TOP6BL: variants seen among roughly 807,000 people sequenced by gnomAD.
TOP6BL encodes the protein TOP6B like initiator of meiotic double strand breaks.
the TOP6BL span, chr11:66,801,185 T>C: frequency 7.0e-7 from 1 of 1,430,016 alleles, no homozygotes; most frequent in South Asian, 1.2e-5. Flanking sequence ...GGAAATTGTC[T>C]CACTTGTCAT....
chr11:66,807,923 G>A, the TOP6BL span, among the ~76,000 whole-genome samples: 3 of 152,218 alleles, frequency 2.0e-5, no homozygotes, highest in Non-Finnish European at 4.4e-5. Context: ...GACTGTATAT[G>A]CTTTTTGGTC....
the TOP6BL span, among the ~76,000 whole-genome samples, chr11:66,825,180 A>T: frequency 2.6e-5 from 4 of 151,360 alleles, no homozygotes; most frequent in Non-Finnish European, 5.9e-5. Flanking sequence ...GTGCCTTTAT[A>T]AAAAAGGCCC....
At chr11:66,840,857 C>T in the TOP6BL span, among the ~76,000 whole-genome samples, 1 of 152,108 alleles carries the variant, frequency 6.6e-6, no homozygotes, top group Admixed American at 6.6e-5. Flanking sequence ...GCTCATCCTG[C>T]TCTCCCACCC....
chr11:66,830,440 A>T, the TOP6BL span, among the ~76,000 whole-genome samples: 1 of 152,198 alleles, frequency 6.6e-6, no homozygotes, highest in Admixed American at 6.5e-5. Flanking sequence ...GTTAGAAAAG[A>T]AAAAAGGCTC....
the TOP6BL span, chr11:66,756,337 C>G: frequency 9.2e-7 from 1 of 1,089,090 alleles, no homozygotes; most frequent in Non-Finnish European, 1.2e-6. Flanking sequence ...CTTTTCCCCC[C>G]TTTTTTTTTT....
At chr11:66,793,607 G>A in the TOP6BL span, among the ~76,000 whole-genome samples, 1 of 150,404 alleles carries the variant, frequency 6.6e-6, no homozygotes, top group Non-Finnish European at 1.5e-5. Context: ...ACCACTCCAG[G>A]CTAATTTTTG....
At chr11:66,788,260 G>T in the TOP6BL span, 1 of 1,608,246 alleles carries the variant, frequency 6.2e-7, no homozygotes, top group Non-Finnish European at 8.5e-7. Context: ...CCTTCCAGAT[G>T]ATTTTTGAGG....
the TOP6BL span, among the ~76,000 whole-genome samples, chr11:66,813,454 G>A: frequency 2.6e-5 from 4 of 152,282 alleles, no homozygotes; most frequent in East Asian, 7.7e-4. Flanking sequence ...AACTGCATAG[G>A]CTGGGCATGA....
At chr11:66,837,311 TAG>T in the TOP6BL span, among the ~76,000 whole-genome samples, 1 of 151,536 alleles carries the variant, frequency 6.6e-6, no homozygotes, top group Non-Finnish European at 1.5e-5. Context: ...GTATTTGTAA[TAG>T]AGACGGGGTT....
At chr11:66,785,835 C>T in the TOP6BL span, among the ~76,000 whole-genome samples, 2,306 of 152,258 alleles carry the variant, frequency 0.015, 58 homozygotes, top group African/African-American at 0.052. Flanking sequence ...TGCTCTTAAA[C>T]CTATGAGTGT....
chr11:66,784,526 A>G, the TOP6BL span, among the ~76,000 whole-genome samples: 1 of 152,266 alleles, frequency 6.6e-6, no homozygotes, highest in East Asian at 1.9e-4. Flanking sequence ...CCGTGTACTC[A>G]TTAGCAGTCA....
the TOP6BL span, among the ~76,000 whole-genome samples, chr11:66,798,033 C>T: frequency 6.6e-6 from 1 of 152,132 alleles, no homozygotes; most frequent in East Asian, 1.9e-4. Flanking sequence ...TCATCATCAT[C>T]CGCATTTTGT....
chr11:66,834,375 T>C, the TOP6BL span, among the ~76,000 whole-genome samples: 1 of 152,176 alleles, frequency 6.6e-6, no homozygotes, highest in South Asian at 2.1e-4. Context: ...GATTCTCCAC[T>C]CAACATCCTC....
the TOP6BL span, among the ~76,000 whole-genome samples, chr11:66,760,145 C>T: frequency 1.3e-5 from 2 of 152,050 alleles, no homozygotes; most frequent in African/African-American, 2.4e-5. Flanking sequence ...TATATCTGTC[C>T]TTGCTTTAAG....
the TOP6BL span, among the ~76,000 whole-genome samples, chr11:66,745,309 C>CAT: frequency 8.5e-5 from 1 of 11,812 alleles, no homozygotes; most frequent in East Asian, 2.6e-3. Flanking sequence ...CGTTGCGGGG[C>CAT]GGGGTGGGGG....
chr11:66,783,848 C>T, the TOP6BL span, among the ~76,000 whole-genome samples: 2 of 151,940 alleles, frequency 1.3e-5, no homozygotes, highest in African/African-American at 4.8e-5. Context: ...TATTTTTTGG[C>T]AGGGTCTCAC....
the TOP6BL span, among the ~76,000 whole-genome samples, chr11:66,842,600 C>T: frequency 6.6e-6 from 1 of 152,036 alleles, no homozygotes; most frequent in Non-Finnish European, 1.5e-5. Flanking sequence ...CGGCCTGAGT[C>T]CCCCAAGTGA....
the TOP6BL span, chr11:66,821,760 C>T: frequency 2.5e-6 from 4 of 1,613,212 alleles, no homozygotes; most frequent in South Asian, 1.1e-5. Context: ...CACCAGGCTG[C>T]CAAGGTAATA....
At chr11:66,815,174 G>A in the TOP6BL span, among the ~76,000 whole-genome samples, 1 of 152,312 alleles carries the variant, frequency 6.6e-6, no homozygotes, top group South Asian at 2.1e-4. Flanking sequence ...TATGACTGGT[G>A]AATTTCTAGG....
Sources: gnomAD v4.1 joint callset for allele counts (sites outside exome capture counted in the v4.1 genomes callset) on GRCh38, gnomAD v4.1.1 for gene constraint, MANE v1.5 for transcripts, NCBI Gene and HGNC (gene_info 2026-07-23, HGNC 2026-07-21) for gene names.